CHST9: variants seen among roughly 807,000 people sequenced by gnomAD.
The protein encoded by CHST9 is carbohydrate sulfotransferase 9.
Under a neutral mutation model 44.4 loss-of-function variants are expected in CHST9, and 41 were observed. The ratio of observed to expected loss-of-function variants is 0.92; its 90% CI spans 0.72 to 1.20. CHST9 has a LOEUF of 1.20. Among genes scored for constraint, CHST9 ranks in the 50% most tolerant of loss-of-function variants. The pLI is 0.00. For missense variants in CHST9, 504 were observed against 516.5 expected (o/e 0.98, Z 0.23); for synonymous variants, 171 against 178.4 (o/e 0.96, Z 0.33).
intron 1 of CHST9, among the ~76,000 whole-genome samples, chr18:27,168,107 C>T (rs1444876004): frequency 7.3e-6 from 1 of 137,564 alleles, no homozygotes; most frequent in Non-Finnish European, 1.5e-5. Context: ...CGGAGTCTTG[C>T]TCTGTCGCGC....
chr18:27,010,617 A>C (rs949623190), intron 4 of CHST9, among the ~76,000 whole-genome samples: 2 of 152,242 alleles, frequency 1.3e-5, no homozygotes, highest in African/African-American at 4.8e-5. Flanking sequence ...TCTCATATAC[A>C]ACATGAAGAT....
At chr18:26,973,723 C>T (rs1333389547) in intron 4 of CHST9, among the ~76,000 whole-genome samples, 1 of 151,980 alleles carries the variant, frequency 6.6e-6, no homozygotes, top group African/African-American at 2.4e-5. Context: ...TTTTTTGAAC[C>T]CAAAAGTGGG....
chr18:27,058,548 G>A (rs925479476), intron 2 of CHST9, among the ~76,000 whole-genome samples: 2 of 151,996 alleles, frequency 1.3e-5, no homozygotes, highest in East Asian at 1.9e-4. Flanking sequence ...CTTTAAAAAC[G>A]TGCTCCAGAC....
At position 26,912,681 on chromosome 18, in the gene CHST9, C is replaced by T. The variant is rs1238659471; in HGVS notation, c.*3578G>A. 4 of 152,096 alleles carry T rather than the reference C, an allele frequency of 2.6e-5. No individual in the cohort carries two copies. Among genetic ancestry groups the T allele is most frequent in the Admixed American group, 6.5e-5 (1 of 15,270 alleles). The allele number at this position is 152,096 out of a possible 1,614,324, so 9.4% of individuals were successfully genotyped here. The stretch of plus-strand genomic sequence containing the variant: ...AAGGGAGAGGGCTACATAATATTAC[C>T]TATGTTAGACTGGCTATGGAGATTA... On this transcript the variant is annotated 3_prime_UTR_variant, in exon 6 of 6. Coordinates refer to ENST00000618847, the MANE Select transcript of CHST9 (RefSeq NM_031422.6).
At chr18:26,923,035 G>A (rs901659535) in intron 5 of CHST9, among the ~76,000 whole-genome samples, 4 of 152,102 alleles carry the variant, frequency 2.6e-5, no homozygotes, top group East Asian at 1.9e-4. Context: ...CTTTCTCCCC[G>A]TCAAAGTTGT....
At chr18:26,944,021 A>G (rs2056124830) in intron 5 of CHST9, among the ~76,000 whole-genome samples, 1 of 152,158 alleles carries the variant, frequency 6.6e-6, no homozygotes, top group African/African-American at 2.4e-5. Context: ...TGCTGCCATG[A>G]TAGTATCAAT....
At chr18:27,074,541 C>G (rs2057878459) in intron 2 of CHST9, among the ~76,000 whole-genome samples, 1 of 152,082 alleles carries the variant, frequency 6.6e-6, no homozygotes, top group Non-Finnish European at 1.5e-5. Context: ...TTTTGACTTT[C>G]TCTAGGAAAT....
chr18:27,106,314 A>G (rs1297645585), intron 2 of CHST9, among the ~76,000 whole-genome samples: 2 of 152,146 alleles, frequency 1.3e-5, no homozygotes, highest in African/African-American at 4.8e-5. Context: ...TCAACTTTGA[A>G]CAACATTATT....
At chr18:27,053,948 G>A (rs2057620011) in intron 2 of CHST9, among the ~76,000 whole-genome samples, 1 of 152,116 alleles carries the variant, frequency 6.6e-6, no homozygotes, top group African/African-American at 2.4e-5. Context: ...CTTCTTCTGT[G>A]CTTCTGTAAC....
rs116216295 is a variant in CHST9, at chr18:27,016,967, C to T, written c.202+7149G>A. ...GTTCTGCCTCCCTGGAACTGAAGTC[C>T]TTGCTGAAAGACAGTGAATAATGCT... On this transcript the variant is annotated intron_variant, in intron 4 of 5. Coordinates refer to ENST00000618847, the MANE Select transcript of CHST9 (RefSeq NM_031422.6). Among the ~76,000 whole-genome samples the T allele has an allele frequency of 2.5e-3, 387 of 152,216 alleles. 3 individuals carry two copies. Among genetic ancestry groups the T allele is most frequent in the African/African-American group, 9.0e-3 (372 of 41,526 alleles).
intron 2 of CHST9, among the ~76,000 whole-genome samples, chr18:27,107,733 A>G (rs1251266559): frequency 6.6e-6 from 1 of 152,170 alleles, no homozygotes; most frequent in African/African-American, 2.4e-5. Context: ...GATAGCCACA[A>G]CTTTTCTGAG....
In CHST9 at chr18:26,910,963, A is replaced by C. The variant is rs2055432362; in HGVS notation, c.*5296T>G. 1 of 152,160 alleles carries C rather than the reference A, an allele frequency of 6.6e-6. No individual in the cohort carries two copies. The highest frequency in any genetic ancestry group is 1.5e-5 in the Non-Finnish European group (1 of 68,020). 9.4% of individuals were successfully genotyped at this position (152,160 alleles called of 1,614,324 possible). A position where few individuals can be genotyped will look rare whatever the true frequency, so the allele number is the denominator to read the frequency against. On this transcript the variant is annotated 3_prime_UTR_variant, in exon 6 of 6. Coordinates refer to ENST00000618847, the MANE Select transcript of CHST9 (RefSeq NM_031422.6). ...CATTTTTCTCAAAATTTTCTTCCCC[A>C]AACAATCAAGCAACTGCTATTTCTT...
At chr18:27,128,765 C>T (rs28527345) in intron 2 of CHST9, among the ~76,000 whole-genome samples, 1,662 of 152,182 alleles carry the variant, frequency 0.011, 25 homozygotes, top group African/African-American at 0.035. Flanking sequence ...TGATTAGTGA[C>T]CCAAAAGTTG....
chr18:27,027,615 A>G (rs2143478331), intron 3 of CHST9, among the ~76,000 whole-genome samples: 1 of 152,372 alleles, frequency 6.6e-6, no homozygotes, highest in East Asian at 1.9e-4. Flanking sequence ...CTTATTAAAT[A>G]TCAGACATGC....
chr18:26,928,547 G>T (rs551072724), intron 5 of CHST9: 1 of 152,304 alleles, frequency 6.6e-6, no homozygotes, highest in East Asian at 1.9e-4. Context: ...TAAGTCAAGG[G>T]TTGAGAACAA....
chr18:27,112,625 T>C lies in CHST9; in HGVS notation c.121+30064A>G, dbSNP rs545046322. Among the ~76,000 whole-genome samples the C allele has an allele frequency of 6.4e-4, 95 of 147,704 alleles. 1 individual carries two copies. The highest frequency in any genetic ancestry group is 2.5e-3 in the East Asian group (13 of 5,144). On this transcript the variant is annotated intron_variant, in intron 2 of 5. Coordinates refer to ENST00000618847, the MANE Select transcript of CHST9 (RefSeq NM_031422.6). ...TGTGTGTGTGTGTGTGTAGGATACA[T>C]ATATATTATATATATATAATCTATT...
At chr18:27,057,358 T>C (rs4312385) in intron 2 of CHST9, among the ~76,000 whole-genome samples, 50,899 of 152,140 alleles carry the variant, frequency 0.33, 9,844 homozygotes, top group Non-Finnish European at 0.45. Flanking sequence ...CATAAAACTG[T>C]AGAAACTGCA....
At chr18:27,011,321 G>A (rs1267934913) in intron 4 of CHST9, among the ~76,000 whole-genome samples, 1 of 152,208 alleles carries the variant, frequency 6.6e-6, no homozygotes, top group Non-Finnish European at 1.5e-5. Context: ...GTGCTCATTG[G>A]TGTAAACAGA....
chr18:27,093,360 T>C (rs943984200), intron 2 of CHST9, among the ~76,000 whole-genome samples: 2 of 152,218 alleles, frequency 1.3e-5, no homozygotes, highest in Non-Finnish European at 2.9e-5. Flanking sequence ...AGAGGTGAAG[T>C]CTAGAGGCAG....
Sources: allele counts gnomAD v4.1 joint callset (sites outside exome capture counted in the v4.1 genomes callset), GRCh38; gene constraint gnomAD v4.1.1; transcripts MANE v1.5; gene names NCBI Gene and HGNC (gene_info 2026-07-23, HGNC 2026-07-21).